Variants in TENM1 observed in about 807,000 individuals in gnomAD.
TENM1 encodes teneurin-1.
A neutral mutation model predicts 174.8 loss-of-function variants in TENM1; 35 were observed. That is an observed-to-expected ratio of 0.20 (90% CI 0.15 to 0.27). TENM1 has a LOEUF of 0.27. Ranked by LOEUF, TENM1 falls within the 10% of genes least tolerant of loss-of-function variation. TENM1 has a pLI of 1.00. For missense variants in TENM1, 1,633 were observed against 2,130.1 expected (o/e 0.77, Z 4.59); for synonymous variants, 781 against 798.7 (o/e 0.98, Z 0.37).
In TENM1 at chrX:124,869,253, T is replaced by C. The variant is rs139376477; in HGVS notation, c.535+25043A>G. ...GTTTCAAGGAAAAAAAAAAAGATGA[T>C]TTTACCCTAGCAAAAATGGCTTTTA... is the stretch of plus-strand genomic sequence containing the variant. On this transcript the variant is annotated intron_variant, in intron 3 of 31. Coordinates refer to ENST00000422452, the Ensembl canonical transcript of TENM1. 2.8e-4 allele frequency among the ~76,000 whole-genome samples: 31 copies of C among 109,580 alleles called. No individual in the cohort carries two copies. In the East Asian group the frequency reaches 8.1e-3, roughly 29 times the overall value.
At chrX:124,764,186 T>TA (rs2054486531) in intron 3 of TENM1, among the ~76,000 whole-genome samples, 1 of 111,734 alleles carries the variant, frequency 8.9e-6, no homozygotes, top group African/African-American at 3.3e-5. Context: ...AGAGCATGAC[T>TA]AGGTAGAAGT....
intron 3 of TENM1, among the ~76,000 whole-genome samples, chrX:124,818,196 T>C (rs2055949560): frequency 8.9e-6 from 1 of 111,960 alleles, no homozygotes; most frequent in African/African-American, 3.2e-5. Flanking sequence ...CACAGATTTG[T>C]ACTGAATGTG....
At chrX:124,865,012 T>C (rs1157248822) in intron 3 of TENM1, among the ~76,000 whole-genome samples, 2 of 111,236 alleles carry the variant, frequency 1.8e-5, no homozygotes, top group Non-Finnish European at 3.8e-5. Flanking sequence ...GTATATTCAG[T>C]AAAAATATCC....
chrX:125,145,551 A>G, the TENM1 span, among the ~76,000 whole-genome samples: 2 of 112,761 alleles, frequency 1.8e-5, no homozygotes, highest in African/African-American at 6.4e-5. Flanking sequence ...GCAAAGCTAC[A>G]TTATGTGCAA....
intron 19 of TENM1, among the ~76,000 whole-genome samples, chrX:124,503,335 C>G (rs2047373747): frequency 1.8e-5 from 2 of 111,191 alleles, no homozygotes; most frequent in Admixed American, 1.9e-4. Flanking sequence ...ACAAGGAGAA[C>G]AGCAGGGAGA....
At chrX:125,189,851 TTC>T in the TENM1 span, among the ~76,000 whole-genome samples, 69 of 112,338 alleles carry the variant, frequency 6.1e-4, 1 homozygote, top group East Asian at 7.0e-3. Flanking sequence ...AAAGTATGAT[TTC>T]TGTTAGTTTA....
At chrX:124,477,333 G>C (rs2046748708) in intron 22 of TENM1, among the ~76,000 whole-genome samples, 1 of 111,938 alleles carries the variant, frequency 8.9e-6, no homozygotes, top group Non-Finnish European at 1.9e-5. Context: ...TCTGAGAAAT[G>C]GTTTTAATAG....
At chrX:124,665,284 G>A (rs1016349060) in intron 6 of TENM1, among the ~76,000 whole-genome samples, 1 of 111,763 alleles carries the variant, frequency 8.9e-6, no homozygotes, top group African/African-American at 3.3e-5. Context: ...AAGTTGCGGT[G>A]AGCCGAGATT....
chrX:124,874,552 G>C (rs1202396044), intron 3 of TENM1, among the ~76,000 whole-genome samples: 1 of 109,717 alleles, frequency 9.1e-6, no homozygotes, highest in Non-Finnish European at 1.9e-5. Context: ...ATATAATTTT[G>C]TGTAGTCAAA....
chrX:124,687,397 T>G (rs1413001706), intron 5 of TENM1, among the ~76,000 whole-genome samples: 1 of 111,732 alleles, frequency 8.9e-6, no homozygotes. Context: ...AAACTGAAAC[T>G]GGACCCCTTC....
At chrX:124,603,594 C>T (rs770846349) in intron 11 of TENM1, among the ~76,000 whole-genome samples, 1 of 111,769 alleles carries the variant, frequency 8.9e-6, no homozygotes, top group Non-Finnish European at 1.9e-5. Context: ...TGCTGGAGCC[C>T]ACACTTTTAA....
At chrX:124,554,644 T>C (rs2048654156) in intron 14 of TENM1, among the ~76,000 whole-genome samples, 1 of 112,395 alleles carries the variant, frequency 8.9e-6, no homozygotes, top group African/African-American at 3.2e-5. Context: ...ATAAATTCAT[T>C]GTTCCTTCTC....
At chrX:124,761,800 G>T (rs1232993044) in intron 3 of TENM1, among the ~76,000 whole-genome samples, 1 of 111,526 alleles carries the variant, frequency 9.0e-6, no homozygotes, top group African/African-American at 3.3e-5. Context: ...CATACAAATA[G>T]ACCTTAATTT....
At chrX:124,722,433 T>C (rs1199458882) in intron 4 of TENM1, among the ~76,000 whole-genome samples, 1 of 111,473 alleles carries the variant, frequency 9.0e-6, no homozygotes, top group Non-Finnish European at 1.9e-5. Flanking sequence ...GATGTATATT[T>C]GAGAACCAAC....
chrX:125,114,104 A>C, the TENM1 span, among the ~76,000 whole-genome samples: 1 of 112,089 alleles, frequency 8.9e-6, no homozygotes, highest in Non-Finnish European at 1.9e-5. Context: ...AGGATTTAAA[A>C]ACTCACTCAA....
the TENM1 span, among the ~76,000 whole-genome samples, chrX:125,180,675 G>A: frequency 1.4e-4 from 15 of 109,798 alleles, no homozygotes; most frequent in African/African-American, 4.3e-4. Flanking sequence ...TGGCCTACAG[G>A]AAAAAAGGAG....
At chrX:124,840,332 C>A (rs2056472718) in intron 3 of TENM1, among the ~76,000 whole-genome samples, 1 of 111,414 alleles carries the variant, frequency 9.0e-6, no homozygotes, top group Non-Finnish European at 1.9e-5. Flanking sequence ...ATTCTGAAAG[C>A]ATAATATAAT....
intron 3 of TENM1, among the ~76,000 whole-genome samples, chrX:124,775,951 T>C (rs1014632902): frequency 8.9e-6 from 1 of 112,039 alleles, no homozygotes; most frequent in Non-Finnish European, 1.9e-5. Flanking sequence ...TTTTGATATA[T>C]GAAGGGGTCC....
intron 22 of TENM1, among the ~76,000 whole-genome samples, chrX:124,477,387 A>G (rs1360945444): frequency 8.9e-6 from 1 of 112,423 alleles, no homozygotes; most frequent in Non-Finnish European, 1.9e-5. Flanking sequence ...GTAAATAAAA[A>G]TATTTTGTTC....
Sources: allele counts gnomAD v4.1 joint callset (sites outside exome capture counted in the v4.1 genomes callset), GRCh38; gene constraint gnomAD v4.1.1; transcripts MANE v1.5; gene names NCBI Gene and HGNC (gene_info 2026-07-23, HGNC 2026-07-21).